Variants in ITGA7 observed in about 807,000 individuals in gnomAD.
ITGA7 encodes the protein integrin alpha-7.
In ITGA7, 84 loss-of-function variants were observed where a neutral mutation model predicts 131.6. The observed-to-expected ratio is 0.64, with a 90% CI of 0.54 to 0.77. ITGA7 has a LOEUF of 0.77. Ranked by LOEUF, ITGA7 falls within the 30% of genes least tolerant of loss-of-function variation. ITGA7 has a pLI of 0.00. For missense variants in ITGA7, 1,399 were observed against 1,482.9 expected (o/e 0.94, Z 0.93); for synonymous variants, 548 against 600.7 (o/e 0.91, Z 1.28).
At chr12:55,712,019 C>T (rs1269044070), upstream of ITGA7, 51 of 1,479,908 alleles carry the variant, frequency 3.4e-5, no homozygotes, top group Non-Finnish European at 4.3e-5. Flanking sequence ...TCAGGCTTTT[C>T]CGTCCCAACA....
intron 24 of ITGA7, among the ~76,000 whole-genome samples, chr12:55,686,875 C>A (rs1337826006): frequency 6.6e-6 from 1 of 152,202 alleles, no homozygotes; most frequent in Non-Finnish European, 1.5e-5. Context: ...ATTTACCTTT[C>A]CAGTTTTCAC....
intron 21 of ITGA7, among the ~76,000 whole-genome samples, chr12:55,692,331 C>T (rs936786741): frequency 1.2e-5 from 1 of 86,018 alleles, no homozygotes; most frequent in Non-Finnish European, 2.1e-5. Context: ...GAAGGAGAAT[C>T]GCTTGAACCA....
chr12:55,707,490 G>A lies in ITGA7; in HGVS notation c.193C>T (p.Arg65Ter). 1.9e-6 allele frequency: 3 copies of A among 1,613,448 alleles called. No individual in the cohort carries two copies. Among genetic ancestry groups the A allele is most frequent in the Non-Finnish European group, 2.5e-6 (3 of 1,179,764 alleles). Residue 65 changes from arginine to a stop codon, truncating the protein, a stop_gained, in exon 1 of 25, where the codon CGA becomes TGA. Coordinates refer to ENST00000257879, the MANE Select transcript of ITGA7 (RefSeq NM_002206.3). LOFTEE classifies it high-confidence loss of function. ...SVALHRQLQP[R>*]PQSWLLVGAP... is the part of the protein sequence containing the mutation. ...GCGGTGACTCACCAGCTCTGGGGTC[G>A]GGGCTGCAACTGCCGGTGCAGGGCC... is the stretch of plus-strand genomic sequence containing the variant.
chr12:55,695,874 C>T (rs143916145), intron 13 of ITGA7, among the ~76,000 whole-genome samples: 1 of 152,158 alleles, frequency 6.6e-6, no homozygotes, highest in Non-Finnish European at 1.5e-5. Flanking sequence ...AAGTCAAGAG[C>T]TGGGCCACAC....
intron 7 of ITGA7, 22 bp downstream of exon 7, chr12:55,698,360 GC>G: frequency 6.3e-7 from 1 of 1,590,502 alleles, no homozygotes; most frequent in South Asian, 1.1e-5. Flanking sequence ...CCCTCCCTGA[GC>G]CTTTCCAGTT....
chr12:55,706,558 A>T (rs1050540389), intron 1 of ITGA7, among the ~76,000 whole-genome samples: 6 of 152,092 alleles, frequency 3.9e-5, no homozygotes, highest in African/African-American at 1.4e-4. Context: ...AGCTTTCTTC[A>T]CCTCTGGCCT....
chr12:55,694,636 G>A lies in ITGA7; in HGVS notation c.2256C>T (p.Asn752=), dbSNP rs906361728. The A allele has an allele frequency of 6.2e-7, 1 of 1,614,006 alleles. No homozygotes were observed. Among genetic ancestry groups the A allele is most frequent in the Non-Finnish European group, 8.5e-7 (1 of 1,179,990 alleles). The change falls in exon 16 of 25, where the codon AAC becomes AAT. Residue 752 remains asparagine, a synonymous_variant. Coordinates refer to ENST00000257879, the MANE Select transcript of ITGA7 (RefSeq NM_002206.3). The surrounding 1 kb of genome is among the most constrained non-coding windows in gnomAD (Gnocchi z 5.3). ...CAACCTGGGCACCTCTCTTCATGGGGTTCCCCAGCTCACACTCAACATGGG... is the reference window on the plus strand; with the variant it reads ...CAACCTGGGCACCTCTCTTCATGGGATTCCCCAGCTCACACTCAACATGGG... ...NASHVECELG[N]PMKRGAQVTF...
At chr12:55,701,419 G>T (rs1272897083) in intron 3 of ITGA7, 4 of 1,551,538 alleles carry the variant, frequency 2.6e-6, no homozygotes. Context: ...TCCACATTCT[G>T]CCTGGAGCCA....
At position 55,688,008 on chromosome 12, in the gene ITGA7, A is replaced by G. The variant is rs773852555; in HGVS notation, c.3146T>C (p.Leu1049Pro). Residue 1049 changes from leucine to proline, a missense_variant, in exon 24 of 25, where the codon CTG becomes CCG. By Grantham distance (98) the Leu-to-Pro change is moderately conservative. Coordinates refer to ENST00000257879, the MANE Select transcript of ITGA7 (RefSeq NM_002206.3). ...WVILLAVLAG[L>P]LVLALLVLLL... The stretch of plus-strand genomic sequence containing the variant: ...CAGCACCAGCAGTGCTAGCACCAGC[A>G]GCCCAGCCAGTACAGCCAGGAGGAT... 1 of 1,614,154 alleles carries G rather than the reference A, an allele frequency of 6.2e-7. No individual in the cohort carries two copies. The highest frequency in any genetic ancestry group is 8.5e-7 in the Non-Finnish European group (1 of 1,180,002).
chr12:55,703,205 A>T (rs1241163953), intron 1 of ITGA7, 27 bp from the exon 2 acceptor site: 5 of 1,603,550 alleles, frequency 3.1e-6, no homozygotes, highest in Non-Finnish European at 3.4e-6. Context: ...GGGCAGGGAC[A>T]GGGACAGGAG....
upstream of ITGA7, chr12:55,716,091 A>C: frequency 1.9e-6 from 3 of 1,587,766 alleles, no homozygotes; most frequent in Non-Finnish European, 2.6e-6. Context: ...CAGCTTCCGG[A>C]GCCGGAGGGG....
chr12:55,689,030 C>G (rs766744254), intron 21 of ITGA7, 73 bp from the exon 22 acceptor site: 1 of 1,157,862 alleles, frequency 8.6e-7, no homozygotes, highest in Admixed American at 1.8e-5. Context: ...CTCCCATTTT[C>G]CTTACTTGAC....
At chr12:55,697,103 T>A in intron 11 of ITGA7, 35 bp from the exon 12 acceptor site, 2 of 1,605,408 alleles carry the variant, frequency 1.2e-6, no homozygotes, top group Non-Finnish European at 1.7e-6. Flanking sequence ...GCTGCTGAGC[T>A]GCAGAGCTGC....
rs140716825 is a variant in ITGA7, at chr12:55,698,783, C to A, written c.925G>T (p.Val309Phe). The stretch of plus-strand genomic sequence containing the variant: ...GTCAGGCGCTCCCCAGACAGCATAA[C>A]CTCGGGCACCAGGCGACTGGCGCTG... ...KDSASRLVPE[V>F]MLSGERLTSG... Residue 309 changes from valine to phenylalanine, a missense_variant, in exon 6 of 25, where the codon GTT becomes TTT. By Grantham distance (50) the Val-to-Phe change is conservative. Coordinates refer to ENST00000257879, the MANE Select transcript of ITGA7 (RefSeq NM_002206.3). The A allele has an allele frequency of 3.3e-5, 53 of 1,614,048 alleles. No individual in the cohort carries two copies. The highest frequency in any genetic ancestry group is 1.2e-4 in the Admixed American group (7 of 60,012).
rs1360536778 is a variant in ITGA7, at chr12:55,701,460, T to G, written c.415-306A>C. The G allele has an allele frequency of 1.9e-6, 3 of 1,544,258 alleles. No homozygotes were observed. In the Admixed American group the frequency reaches 5.9e-5, roughly 30 times the overall value. ...CACAATTAAGCCACCACATAGGATG[T>G]GTGTCTCCCTGATCATGTCACAGTC... On this transcript the variant is annotated intron_variant, in intron 3 of 24. Coordinates refer to ENST00000257879, the MANE Select transcript of ITGA7 (RefSeq NM_002206.3).
At chr12:55,686,025 G>C (rs1870042102) in intron 24 of ITGA7, among the ~76,000 whole-genome samples, 1 of 152,224 alleles carries the variant, frequency 6.6e-6, no homozygotes, top group African/African-American at 2.4e-5. Flanking sequence ...GCCTCAGGCT[G>C]TGTAGACTTA....
intron 12 of ITGA7, 66 bp from the exon 13 acceptor site, chr12:55,696,498 A>C: frequency 6.6e-7 from 1 of 1,517,850 alleles, no homozygotes; most frequent in Non-Finnish European, 9.0e-7. Context: ...TCAGTGCCCC[A>C]GCCAGACCTA....
In ITGA7 at chr12:55,707,724, T is replaced by C; in HGVS notation, c.-42A>G. 1.7e-5 allele frequency: 26 copies of C among 1,551,280 alleles called. No homozygotes were observed. The highest frequency in any genetic ancestry group is 2.3e-5 in the Non-Finnish European group (26 of 1,147,218). ...GAGCTCCCAGCGAATGCAAGGGAAA[T>C]CTCGCACGCCCCAAGCCCCAGGTCC... On this transcript the variant is annotated 5_prime_UTR_variant, in exon 1 of 25. Transcript: ENST00000257879.
intron 5 of ITGA7, 51 bp downstream of exon 5, chr12:55,699,819 A>C: frequency 6.4e-7 from 1 of 1,570,884 alleles, no homozygotes; most frequent in Non-Finnish European, 8.6e-7. Flanking sequence ...CTGGGGAAGG[A>C]GGGGAGGCTG....
Sources: allele counts gnomAD v4.1 joint callset (sites outside exome capture counted in the v4.1 genomes callset), GRCh38; gene constraint gnomAD v4.1.1; non-coding constraint Gnocchi (gnomAD v3.1); transcripts MANE v1.5; gene names NCBI Gene and HGNC (gene_info 2026-07-23, HGNC 2026-07-21).